The following CAP2 variants were observed in gnomAD, a reference collection of about 807,000 sequenced individuals.
CAP2 encodes the protein cyclase associated actin cytoskeleton regulatory protein 2.
Under a neutral mutation model 57.7 loss-of-function variants are expected in CAP2, and 24 were observed. The ratio of observed to expected loss-of-function variants is 0.42; its 90% CI spans 0.30 to 0.58. The LOEUF is 0.58. Ranked by LOEUF, CAP2 falls within the 20% of genes least tolerant of loss-of-function variation. The pLI, the probability that CAP2 is intolerant of heterozygous loss-of-function variation, is 0.22. For missense variants in CAP2, 501 were observed against 590.3 expected (o/e 0.85, Z 1.57); for synonymous variants, 194 against 207.2 (o/e 0.94, Z 0.55).
chr6:17,403,186 C>T (rs1337949853), intron 1 of CAP2, among the ~76,000 whole-genome samples: 1 of 152,238 alleles, frequency 6.6e-6, no homozygotes, highest in African/African-American at 2.4e-5. Context: ...ACTGCAACCT[C>T]TGCCTCCTGG....
chr6:17,540,698 G>A (rs1354547935), intron 8 of CAP2, among the ~76,000 whole-genome samples: 1 of 152,118 alleles, frequency 6.6e-6, no homozygotes, highest in East Asian at 1.9e-4. Context: ...AGGTTGCAGT[G>A]AGCCGAGATC....
intron 4 of CAP2, among the ~76,000 whole-genome samples, chr6:17,484,288 G>A (rs11967999): frequency 0.014 from 2,153 of 152,114 alleles, 55 homozygotes; most frequent in African/African-American, 0.049. Flanking sequence ...ACGAGTCTGC[G>A]TCTGTGTATT....
chr6:17,466,488 A>G (rs1219962989), intron 4 of CAP2, among the ~76,000 whole-genome samples: 3 of 152,186 alleles, frequency 2.0e-5, no homozygotes, highest in African/African-American at 7.2e-5. Context: ...CACTGTTACA[A>G]TTGAAGCTCA....
At chr6:17,458,280 G>A (rs1166065279) in intron 3 of CAP2, among the ~76,000 whole-genome samples, 1 of 152,134 alleles carries the variant, frequency 6.6e-6, no homozygotes. Flanking sequence ...AGGCTACCAG[G>A]ATAAAGAGAA....
chr6:17,486,954 G>T (rs1398069541), intron 4 of CAP2, among the ~76,000 whole-genome samples: 1 of 152,186 alleles, frequency 6.6e-6, no homozygotes, highest in Non-Finnish European at 1.5e-5. Context: ...TGCTCATGGA[G>T]CCCTGCAGTT....
At chr6:17,520,364 C>A (rs1365148030) in intron 7 of CAP2, among the ~76,000 whole-genome samples, 6 of 152,122 alleles carry the variant, frequency 3.9e-5, no homozygotes, top group Non-Finnish European at 8.8e-5. Context: ...CCTGCCTTGG[C>A]CTCCCTAAGT....
At chr6:17,459,538 G>A (rs1433142436) in intron 3 of CAP2, among the ~76,000 whole-genome samples, 1 of 152,136 alleles carries the variant, frequency 6.6e-6, no homozygotes, top group African/African-American at 2.4e-5. Context: ...TACCCTTGAA[G>A]AAAATAGTAT....
intron 7 of CAP2, among the ~76,000 whole-genome samples, chr6:17,527,649 TGCAGTG>T: frequency 6.8e-6 from 1 of 147,280 alleles, no homozygotes; most frequent in African/African-American, 2.5e-5. Context: ...CAGGCTGGAG[TGCAGTG>T]GCACGATCTC....
chr6:17,463,115 G>T, intron 4 of CAP2, 42 bp downstream of exon 4: 1 of 1,401,024 alleles, frequency 7.1e-7, no homozygotes, highest in East Asian at 2.3e-5. Flanking sequence ...CAGGGTATGC[G>T]CAGTGTAAGA....
At chr6:17,424,856 C>G (rs1395695975) in intron 2 of CAP2, among the ~76,000 whole-genome samples, 4 of 152,210 alleles carry the variant, frequency 2.6e-5, no homozygotes, top group Non-Finnish European at 5.9e-5. Context: ...GAAACTTTCT[C>G]CCACTTTAAA....
chr6:17,445,345 G>T (rs1470761002), intron 3 of CAP2, among the ~76,000 whole-genome samples: 6 of 152,234 alleles, frequency 3.9e-5, no homozygotes, highest in Non-Finnish European at 8.8e-5. Context: ...GACCTCAGGT[G>T]ATCCACCCAT....
rs1759550613 is a variant in CAP2, at chr6:17,424,974, CAGAAG to C, written c.122-1615_122-1611del. Among the ~76,000 whole-genome samples, 2 of 152,270 alleles carry C rather than the reference CAGAAG, an allele frequency of 1.3e-5. 1 individual carries two copies. Among genetic ancestry groups the C allele is most frequent in the South Asian group, 4.1e-4 (2 of 4,824 alleles). On this transcript the variant is annotated intron_variant, in intron 2 of 12. Transcript: ENST00000229922. ...TTGGGCTTGTGTCCTTTTTATGTTCCAGAAGTTGTTATATACTGTGCTGTGAACTT... is the reference window on the plus strand; with the variant it reads ...TTGGGCTTGTGTCCTTTTTATGTTCCTTGTTATATACTGTGCTGTGAACTT...
At chr6:17,492,085 C>T (rs1761556260) in intron 4 of CAP2, among the ~76,000 whole-genome samples, 1 of 152,226 alleles carries the variant, frequency 6.6e-6, no homozygotes, top group South Asian at 2.1e-4. Flanking sequence ...TTTGACCTTA[C>T]TGGTCTTTGC....
chr6:17,443,126 C>T (rs969542398), intron 3 of CAP2, among the ~76,000 whole-genome samples: 124 of 152,106 alleles, frequency 8.2e-4, no homozygotes, highest in Non-Finnish European at 3.5e-4. Flanking sequence ...GTGGCACGCA[C>T]CTGTAGCCCT....
At chr6:17,438,433 G>A (rs868359307) in intron 3 of CAP2, among the ~76,000 whole-genome samples, 26 of 58,378 alleles carry the variant, frequency 4.5e-4, no homozygotes, top group African/African-American at 2.4e-3. Flanking sequence ...ATCCAGAAGT[G>A]TTTTTTTTTT....
chr6:17,469,331 A>G (rs578253402), intron 4 of CAP2, among the ~76,000 whole-genome samples: 1 of 151,912 alleles, frequency 6.6e-6, no homozygotes, highest in East Asian at 1.9e-4. Context: ...CTGCCTTCAC[A>G]CTTTCCCTAT....
intron 3 of CAP2, among the ~76,000 whole-genome samples, chr6:17,451,760 T>C (rs993299005): frequency 1.3e-5 from 2 of 152,284 alleles, no homozygotes; most frequent in African/African-American, 4.8e-5. Flanking sequence ...TCCACCAGCC[T>C]CAGCATCCCT....
chr6:17,497,473 C>G (rs1481627082), intron 4 of CAP2, among the ~76,000 whole-genome samples: 2 of 152,234 alleles, frequency 1.3e-5, no homozygotes, highest in Non-Finnish European at 2.9e-5. Context: ...GTTATACTTA[C>G]TGTAGACAAC....
chr6:17,457,067 C>G (rs1184022412), intron 3 of CAP2, among the ~76,000 whole-genome samples: 4 of 152,198 alleles, frequency 2.6e-5, no homozygotes, highest in African/African-American at 4.8e-5. Flanking sequence ...TAAGACCACA[C>G]GGCAATAGAT....
Sources: gnomAD v4.1 joint callset for allele counts (sites outside exome capture counted in the v4.1 genomes callset) on GRCh38, gnomAD v4.1.1 for gene constraint, MANE v1.5 for transcripts, NCBI Gene and HGNC (gene_info 2026-07-23, HGNC 2026-07-21) for gene names.